GRID2: variants seen among roughly 807,000 people sequenced by gnomAD.
The protein encoded by GRID2 is glutamate ionotropic receptor delta type subunit 2, also known as glutamate receptor ionotropic, delta-2.
A neutral mutation model predicts 114.8 loss-of-function variants in GRID2; 33 were observed. That is an observed-to-expected ratio of 0.29 (90% CI 0.22 to 0.38). The LOEUF (loss-of-function observed/expected upper bound fraction) is 0.38. Among genes scored for constraint, GRID2 ranks in the 10% least tolerant of loss-of-function variants. The probability of loss-of-function intolerance (pLI) is 1.00; values close to 1 mark genes in which losing one functional copy is unlikely to be tolerated. For missense variants in GRID2, 1,184 were observed against 1,257.7 expected, an observed-to-expected ratio of 0.94 and a Z score of 0.89; for synonymous variants, 505 against 449.9, an observed-to-expected ratio of 1.12 and a Z score of -1.55.
intron 1 of GRID2, among the ~76,000 whole-genome samples, chr4:92,535,585 A>G (rs1190706798): frequency 6.6e-6 from 1 of 152,160 alleles, no homozygotes; most frequent in African/African-American, 2.4e-5. Flanking sequence ...AGGAACAGCA[A>G]TTATTGTCAC....
chr4:92,309,308 T>C (rs975390030), intron 1 of GRID2, among the ~76,000 whole-genome samples: 2 of 152,002 alleles, frequency 1.3e-5, no homozygotes. Flanking sequence ...AGAAGTTTTT[T>C]TTCTTCACCT....
chr4:92,890,543 G>T (rs1746699623), intron 2 of GRID2, among the ~76,000 whole-genome samples: 1 of 152,114 alleles, frequency 6.6e-6, no homozygotes, highest in African/African-American at 2.4e-5. Flanking sequence ...TTAGAGAAAT[G>T]CAAATCAAAC....
At chr4:93,601,280 C>T (rs2117702) in intron 13 of GRID2, among the ~76,000 whole-genome samples, 5,664 of 152,150 alleles carry the variant, frequency 0.037, 356 homozygotes, top group African/African-American at 0.13. Context: ...ATGATAAGAA[C>T]TGAAAATAGA....
chr4:92,728,864 G>T (rs1003694337), intron 2 of GRID2, among the ~76,000 whole-genome samples: 2 of 139,846 alleles, frequency 1.4e-5, no homozygotes, highest in Non-Finnish European at 3.1e-5. Context: ...AAAGATATTT[G>T]TTAGCTCTAC....
At chr4:93,689,724 A>G (rs1457251178) in intron 14 of GRID2, among the ~76,000 whole-genome samples, 1 of 152,138 alleles carries the variant, frequency 6.6e-6, no homozygotes, top group Non-Finnish European at 1.5e-5. Context: ...GCATCATTAC[A>G]TTATGTCAGT....
At chr4:93,802,134 C>A (rs1734944004) in intron 1 of GRID2, among the ~76,000 whole-genome samples, 1 of 152,124 alleles carries the variant, frequency 6.6e-6, no homozygotes, top group African/African-American at 2.4e-5. Flanking sequence ...AGGGCGTGCC[C>A]TGAAACACAT....
intron 2 of GRID2, among the ~76,000 whole-genome samples, chr4:92,713,249 T>C (rs920194793): frequency 5.3e-5 from 8 of 151,384 alleles, no homozygotes; most frequent in African/African-American, 1.9e-4. Flanking sequence ...TTCACATCTT[T>C]CTTTTGTGTA....
At chr4:93,238,718 C>A (rs996725857) in intron 8 of GRID2, among the ~76,000 whole-genome samples, 6 of 151,710 alleles carry the variant, frequency 4.0e-5, no homozygotes, top group Non-Finnish European at 8.8e-5. Context: ...AAAAAGTAAT[C>A]TGAATCTTAC....
At chr4:92,829,778 T>C (rs1741973130) in intron 2 of GRID2, among the ~76,000 whole-genome samples, 1 of 152,126 alleles carries the variant, frequency 6.6e-6, no homozygotes, top group African/African-American at 2.4e-5. Flanking sequence ...TCATGTCCTT[T>C]GCAGGGACAT....
chr4:93,262,776 T>C (rs1315040257), intron 8 of GRID2, among the ~76,000 whole-genome samples: 1 of 151,548 alleles, frequency 6.6e-6, no homozygotes, highest in Non-Finnish European at 1.5e-5. Flanking sequence ...TTTTTGGCCT[T>C]TTCCATTTTT....
At chr4:93,606,439 A>C (rs971478297) in intron 13 of GRID2, among the ~76,000 whole-genome samples, 1 of 152,220 alleles carries the variant, frequency 6.6e-6, no homozygotes, top group African/African-American at 2.4e-5. Context: ...GGTGAGCCCA[A>C]CTAGAGATAA....
intron 14 of GRID2, among the ~76,000 whole-genome samples, chr4:93,696,849 C>G (rs572361165): frequency 1.5e-3 from 232 of 152,204 alleles, no homozygotes; most frequent in African/African-American, 5.4e-3. Flanking sequence ...ATATATCAGA[C>G]CCAGAATTGT....
Position 92,994,987 on chromosome 4 carries a change from AT to A in GRID2, c.245-89998del, listed in dbSNP as rs940861526. ...AAATCAATAAATTCTGCAAACATGT[AT>A]TTTTTTTTTCTAAGAAAGCTGGTTG... is the stretch of plus-strand genomic sequence containing the variant. On this transcript the variant is annotated intron_variant, in intron 2 of 15. Transcript: ENST00000282020. 3.9e-4 allele frequency among the ~76,000 whole-genome samples: 58 copies of A among 150,480 alleles called. No individual in the cohort carries two copies. The East Asian group carries it at 5.1e-3, about 13-fold the overall frequency.
At chr4:92,958,811 T>G (rs758164369) in intron 2 of GRID2, among the ~76,000 whole-genome samples, 1 of 152,064 alleles carries the variant, frequency 6.6e-6, no homozygotes, top group African/African-American at 2.4e-5. Flanking sequence ...GTACTTTCTG[T>G]TTGGAAAGTT....
chr4:93,497,107 A>C (rs529402269), intron 12 of GRID2, among the ~76,000 whole-genome samples: 1 of 150,562 alleles, frequency 6.6e-6, no homozygotes, highest in African/African-American at 2.4e-5. Context: ...TTGTGGTTTT[A>C]ATTTCTATTT....
intron 2 of GRID2, among the ~76,000 whole-genome samples, chr4:93,056,677 A>T (rs1727275832): frequency 6.6e-6 from 1 of 151,904 alleles, no homozygotes; most frequent in Admixed American, 6.6e-5. Flanking sequence ...ATTTCCAGTT[A>T]TATTCGTGCA....
chr4:92,873,424 G>A (rs1457301235), intron 2 of GRID2, among the ~76,000 whole-genome samples: 2 of 151,548 alleles, frequency 1.3e-5, no homozygotes, highest in African/African-American at 4.8e-5. Context: ...ATATAACCAC[G>A]ATTATATGTA....
intron 1 of GRID2, among the ~76,000 whole-genome samples, chr4:92,556,395 C>T (rs1475072813): frequency 9.2e-5 from 14 of 151,808 alleles, no homozygotes; most frequent in Non-Finnish European, 1.5e-5. Context: ...GAACATTATC[C>T]TAGTTAATTC....
At chr4:92,832,799 T>A (rs1341258217) in intron 2 of GRID2, among the ~76,000 whole-genome samples, 1 of 152,018 alleles carries the variant, frequency 6.6e-6, no homozygotes, top group Non-Finnish European at 1.5e-5. Flanking sequence ...AATAATAATA[T>A]AAAATAAAAA....
Sources: gnomAD v4.1 joint callset for allele counts (sites outside exome capture counted in the v4.1 genomes callset) on GRCh38, gnomAD v4.1.1 for gene constraint, MANE v1.5 for transcripts, NCBI Gene and HGNC (gene_info 2026-07-23, HGNC 2026-07-21) for gene names.